KLF12: variants seen among roughly 807,000 people sequenced by gnomAD.
KLF12 encodes KLF transcription factor 12, also known as Krueppel-like factor 12.
In KLF12, 9 loss-of-function variants were observed where a neutral mutation model predicts 37.8. The ratio of observed to expected loss-of-function variants is 0.24; its 90% CI spans 0.14 to 0.42. The LOEUF is 0.42. Among genes scored for constraint, KLF12 ranks in the 10% least tolerant of loss-of-function variants. The probability of loss-of-function intolerance (pLI) is 1.00; values close to 1 mark genes in which losing one functional copy is unlikely to be tolerated. For synonymous variants in KLF12, 208 were observed against 202.1 expected (o/e 1.03, Z -0.25); for missense variants, 411 against 516.0 (o/e 0.80, Z 1.97).
chr13:73,830,230 T>C (rs1387526945), intron 4 of KLF12, among the ~76,000 whole-genome samples: 1 of 152,162 alleles, frequency 6.6e-6, no homozygotes, highest in Non-Finnish European at 1.5e-5. Flanking sequence ...AAATGGGTAA[T>C]GATCTACTAT....
chr13:73,760,166 T>C (rs9592941), intron 6 of KLF12, among the ~76,000 whole-genome samples: 12,296 of 152,150 alleles, frequency 0.081, 578 homozygotes, highest in South Asian at 0.14. Context: ...ATAATTTGCA[T>C]AGAGACCTCA....
chr13:74,128,923 G>A (rs1878104193), intron 1 of KLF12, among the ~76,000 whole-genome samples: 1 of 151,796 alleles, frequency 6.6e-6, no homozygotes, highest in South Asian at 2.1e-4. Flanking sequence ...GTGTGGGTGG[G>A]TTATGTACTA....
At chr13:73,993,080 A>G (rs1892014883) in intron 2 of KLF12, among the ~76,000 whole-genome samples, 1 of 152,172 alleles carries the variant, frequency 6.6e-6, no homozygotes, top group African/African-American at 2.4e-5. Flanking sequence ...AAAAATACAA[A>G]AAATTAGCTA....
intron 6 of KLF12, among the ~76,000 whole-genome samples, chr13:73,737,333 C>G (rs1411521900): frequency 6.6e-6 from 1 of 152,168 alleles, no homozygotes; most frequent in Non-Finnish European, 1.5e-5. Context: ...TTCAAATTTA[C>G]TTCACTAGTT....
chr13:73,920,126 C>T (rs1456677279), intron 3 of KLF12, among the ~76,000 whole-genome samples: 1 of 152,066 alleles, frequency 6.6e-6, no homozygotes, highest in Non-Finnish European at 1.5e-5. Context: ...ACAGCAGTGC[C>T]AATACTATGA....
At chr13:73,748,394 T>C (rs1878514281) in intron 6 of KLF12, among the ~76,000 whole-genome samples, 1 of 152,178 alleles carries the variant, frequency 6.6e-6, no homozygotes, top group South Asian at 2.1e-4. Flanking sequence ...TAATCCTCAA[T>C]GCAATGGTAT....
chr13:73,983,348 G>A (rs1380602937), intron 2 of KLF12, among the ~76,000 whole-genome samples: 1 of 152,142 alleles, frequency 6.6e-6, no homozygotes, highest in Non-Finnish European at 1.5e-5. Flanking sequence ...ATTCAACTTA[G>A]TGATGTCAGC....
the KLF12 span, among the ~76,000 whole-genome samples, chr13:74,236,033 G>A: frequency 6.7e-6 from 1 of 148,622 alleles, no homozygotes. Flanking sequence ...CCATGCTGGT[G>A]CGCTGCACCC....
the KLF12 span, among the ~76,000 whole-genome samples, chr13:74,270,660 G>A: frequency 6.6e-6 from 1 of 152,172 alleles, no homozygotes; most frequent in Non-Finnish European, 1.5e-5. Context: ...ACTTTGCTGA[G>A]TTCTGTGAGT....
intron 6 of KLF12, among the ~76,000 whole-genome samples, chr13:73,723,783 A>G (rs959330304): frequency 3.9e-5 from 6 of 152,354 alleles, no homozygotes; most frequent in Admixed American, 3.9e-4. Context: ...TGTGACCGAC[A>G]AACATGAAAA....
chr13:73,724,606 T>A (rs1421760531), intron 6 of KLF12, among the ~76,000 whole-genome samples: 3 of 148,632 alleles, frequency 2.0e-5, no homozygotes, highest in Non-Finnish European at 4.4e-5. Flanking sequence ...AGATAATATT[T>A]TACCCGCTTT....
intron 3 of KLF12, among the ~76,000 whole-genome samples, chr13:73,904,067 T>A (rs897611138): frequency 3.7e-4 from 56 of 152,182 alleles, no homozygotes; most frequent in African/African-American, 1.4e-3. Flanking sequence ...CAGACATTTT[T>A]AAAGACAAAT....
chr13:74,069,923 G>A (rs984263666), intron 1 of KLF12, among the ~76,000 whole-genome samples: 1 of 152,156 alleles, frequency 6.6e-6, no homozygotes, highest in Non-Finnish European at 1.5e-5. Flanking sequence ...ACAAAGTTGT[G>A]AACATGATGA....
Position 73,690,839 on chromosome 13 carries a change from T to C in KLF12, c.*4651A>G, listed in dbSNP as rs995668987. On this transcript the variant is annotated 3_prime_UTR_variant, in exon 8 of 8. Transcript: ENST00000377669. ...TTTCCACTATCACATATGTTACGAA[T>C]ACAGTAAAATATCTTCACTCTATTT... The C allele has an allele frequency of 7.2e-5, 11 of 152,644 alleles. No homozygotes were observed. Among genetic ancestry groups the C allele is most frequent in the Non-Finnish European group, 1.5e-4 (10 of 68,042 alleles). The allele number at this position is 152,644 out of a possible 1,614,324, so 9.5% of individuals were successfully genotyped here.
chr13:73,849,460 T>C (rs1264766237), intron 3 of KLF12, among the ~76,000 whole-genome samples: 1 of 148,302 alleles, frequency 6.7e-6, no homozygotes, highest in Non-Finnish European at 1.5e-5. Context: ...AAGGGAGCAC[T>C]ACAAATGGCC....
intron 2 of KLF12, among the ~76,000 whole-genome samples, chr13:73,957,933 T>C (rs1890893714): frequency 6.6e-6 from 1 of 152,192 alleles, no homozygotes; most frequent in Non-Finnish European, 1.5e-5. Flanking sequence ...TAGAAGATCG[T>C]ACTGTTGATT....
chr13:74,014,990 G>A (rs1892650078), intron 1 of KLF12, among the ~76,000 whole-genome samples: 1 of 152,074 alleles, frequency 6.6e-6, no homozygotes, highest in Non-Finnish European at 1.5e-5. Flanking sequence ...CAAAATCTGT[G>A]CTCATAACTA....
chr13:73,968,771 A>G (rs1593792350), intron 2 of KLF12, among the ~76,000 whole-genome samples: 1 of 152,154 alleles, frequency 6.6e-6, no homozygotes, highest in African/African-American at 2.4e-5. Flanking sequence ...TTTGTCTATT[A>G]CTATCATCAT....
the KLF12 span, among the ~76,000 whole-genome samples, chr13:74,227,928 G>T: frequency 6.6e-6 from 1 of 152,028 alleles, no homozygotes; most frequent in Non-Finnish European, 1.5e-5. Flanking sequence ...TTTTCTCTTT[G>T]GTAGAAGAAT....
Sources: gnomAD v4.1 joint callset for allele counts (sites outside exome capture counted in the v4.1 genomes callset) on GRCh38, gnomAD v4.1.1 for gene constraint, MANE v1.5 for transcripts, NCBI Gene and HGNC (gene_info 2026-07-23, HGNC 2026-07-21) for gene names.